Variants in SLC5A8 observed in about 807,000 individuals in gnomAD.
SLC5A8 encodes the protein solute carrier family 5 member 8.
Under a neutral mutation model 71.9 loss-of-function variants are expected in SLC5A8, and 55 were observed. The observed-to-expected ratio is 0.77, with a 90% CI of 0.62 to 0.96. The LOEUF is 0.96. SLC5A8 is among the 40% of genes least tolerant of loss of function. The pLI is 0.00. For synonymous variants in SLC5A8, 307 were observed against 276.1 expected (o/e 1.11, Z -1.11); for missense variants, 701 against 745.3 (o/e 0.94, Z 0.69).
chr12:101,183,452 T>C (rs1404440303), intron 8 of SLC5A8, among the ~76,000 whole-genome samples: 1 of 152,198 alleles, frequency 6.6e-6, no homozygotes, highest in Non-Finnish European at 1.5e-5. Flanking sequence ...AGAGAAAGGA[T>C]ATGTTCATGT....
At chr12:101,175,195 C>G (rs551635660) in intron 10 of SLC5A8, among the ~76,000 whole-genome samples, 51 of 151,744 alleles carry the variant, frequency 3.4e-4, no homozygotes, top group Non-Finnish European at 5.9e-4. Context: ...GGCACAATAG[C>G]AGTATAGAAG....
At position 101,155,755 on chromosome 12, in the gene SLC5A8, C is replaced by G. The variant is rs1184674679; in HGVS notation, c.*1524G>C. Reference sequence around the variant, plus strand: ...CCTCAAGCGATCTTCCTGCCTCAGCCTCCCAAATGTTCAGATTACAAGCAT... The same window carrying G: ...CCTCAAGCGATCTTCCTGCCTCAGCGTCCCAAATGTTCAGATTACAAGCAT... On this transcript the variant is annotated 3_prime_UTR_variant, in exon 15 of 15. Coordinates refer to ENST00000536262, the MANE Select transcript of SLC5A8 (RefSeq NM_145913.5). 3 of 150,296 alleles carry G rather than the reference C, an allele frequency of 2.0e-5. No individual in the cohort carries two copies. Among genetic ancestry groups the G allele is most frequent in the African/African-American group, 7.3e-5 (3 of 40,910 alleles). The allele number at this position is 150,296 out of a possible 1,614,324, so 9.3% of individuals were successfully genotyped here.
intron 12 of SLC5A8, among the ~76,000 whole-genome samples, chr12:101,162,322 G>A (rs973934305): frequency 1.3e-5 from 2 of 152,184 alleles, no homozygotes; most frequent in African/African-American, 4.8e-5. Flanking sequence ...CCCAGGCACT[G>A]CTCTTGTGAT....
Position 101,192,973 on chromosome 12 carries a change from T to C in SLC5A8, c.692+652A>G, listed in dbSNP as rs1239523128. On this transcript the variant is annotated intron_variant, in intron 5 of 14. Coordinates refer to ENST00000536262, the MANE Select transcript of SLC5A8 (RefSeq NM_145913.5). ...TCTCTTAAGAGGCTACCTTTTCTCT[T>C]TTTTTTTTTTTTTTTTGAGACAGAG... Among the ~76,000 whole-genome samples, 5 of 79,466 alleles carry C rather than the reference T, an allele frequency of 6.3e-5. 1 individual carries two copies. The highest frequency in any genetic ancestry group is 3.7e-4 in the South Asian group (1 of 2,708). The allele number at this position is 79,466 out of a possible 152,430, so 52.1% of individuals were successfully genotyped here. A position where few individuals can be genotyped will look rare whatever the true frequency, so the allele number is the denominator to read the frequency against.
At chr12:101,178,731 T>C (rs1340861575) in intron 10 of SLC5A8, among the ~76,000 whole-genome samples, 1 of 151,864 alleles carries the variant, frequency 6.6e-6, no homozygotes, top group Non-Finnish European at 1.5e-5. Context: ...AAGAAAATCT[T>C]CAAAAGCTGG....
intron 10 of SLC5A8, among the ~76,000 whole-genome samples, chr12:101,172,032 A>C (rs2051834810): frequency 6.6e-6 from 1 of 152,184 alleles, no homozygotes; most frequent in South Asian, 2.1e-4. Context: ...ACACAGAACT[A>C]AGCAATTAGG....
At chr12:101,183,321 A>T (rs764690470) in intron 8 of SLC5A8, among the ~76,000 whole-genome samples, 48 of 152,110 alleles carry the variant, frequency 3.2e-4, no homozygotes, top group Admixed American at 2.0e-3. Flanking sequence ...CTGGGATTAC[A>T]GGCGTGAGCC....
rs1455109968 is a variant in SLC5A8, at chr12:101,187,387, T to C, written c.962A>G (p.Gln321Arg). ...WTAKKVSAPD[Q>R]LMPYLVLDIL... ...TGTAAGAAAGACATGGTACTGAACCTGGTCTGGTGCAGACACTTTCTTGGC... is the reference window on the plus strand; with the variant it reads ...TGTAAGAAAGACATGGTACTGAACCCGGTCTGGTGCAGACACTTTCTTGGC... Residue 321 changes from glutamine to arginine, a missense_variant and splice_region_variant, in exon 7 of 15, where the codon CAG becomes CGG. By Grantham distance (43) the Gln-to-Arg change is conservative. Coordinates refer to ENST00000536262, the MANE Select transcript of SLC5A8 (RefSeq NM_145913.5). The C allele has an allele frequency of 6.2e-7, 1 of 1,613,008 alleles. No homozygotes were observed. Among genetic ancestry groups the C allele is most frequent in the Admixed American group, 1.7e-5 (1 of 59,882 alleles).
chr12:101,187,771 T>A (rs751727739), intron 6 of SLC5A8, among the ~76,000 whole-genome samples: 5 of 152,132 alleles, frequency 3.3e-5, no homozygotes, highest in Non-Finnish European at 5.9e-5. Flanking sequence ...TGGTCGGAGC[T>A]CCAGGGGCAT....
chr12:101,182,300 C>T (rs1868404317), intron 9 of SLC5A8, among the ~76,000 whole-genome samples: 1 of 152,124 alleles, frequency 6.6e-6, no homozygotes, highest in South Asian at 2.1e-4. Context: ...ATCTATTAAT[C>T]TAATTTAATC....
intron 5 of SLC5A8, among the ~76,000 whole-genome samples, chr12:101,192,365 G>A (rs1256106448): frequency 6.6e-6 from 1 of 151,970 alleles, no homozygotes; most frequent in African/African-American, 2.4e-5. Flanking sequence ...AAACTTTGGT[G>A]CTTATTTTCA....
rs150897103 is a variant in SLC5A8, at chr12:101,168,131, C to T, written c.1285G>A (p.Ala429Thr). ...MVGGPLMGLFALGILVPFANS... is the reference protein window; with the variant it reads ...MVGGPLMGLFTLGILVPFANS... ...GCAAAGGGAACCAAAATGCCCAAAG[C>T]GAACAGGCCCATAAGTGGTCCACCA... Residue 429 changes from alanine to threonine, a missense_variant, in exon 11 of 15, where the codon GCT becomes ACT. Physicochemically the swap from Ala to Thr is moderately conservative, Grantham distance 58. Transcript: ENST00000536262. 1.1e-4 allele frequency: 170 copies of T among 1,610,002 alleles called. No homozygotes were observed. The highest frequency in any genetic ancestry group is 1.6e-4 in the Middle Eastern group (1 of 6,082).
intron 12 of SLC5A8, among the ~76,000 whole-genome samples, chr12:101,165,607 A>G (rs2051761326): frequency 6.6e-6 from 1 of 152,154 alleles, no homozygotes; most frequent in Non-Finnish European, 1.5e-5. Context: ...ACGCCCCTGG[A>G]AGTCCCACTG....
intron 2 of SLC5A8, among the ~76,000 whole-genome samples, chr12:101,203,357 T>G (rs1869538628): frequency 6.6e-6 from 1 of 152,126 alleles, no homozygotes; most frequent in Non-Finnish European, 1.5e-5. Context: ...TTTTTTCCTT[T>G]TTTTTTTTGA....
chr12:101,167,075 T>C (rs1206431545), intron 11 of SLC5A8, among the ~76,000 whole-genome samples: 1 of 152,154 alleles, frequency 6.6e-6, no homozygotes, highest in African/African-American at 2.4e-5. Context: ...GTTAGCTTAG[T>C]CAGCTACAGC....
intron 13 of SLC5A8, among the ~76,000 whole-genome samples, chr12:101,159,441 A>G (rs1177204125): frequency 6.6e-6 from 1 of 152,176 alleles, no homozygotes; most frequent in Non-Finnish European, 1.5e-5. Flanking sequence ...TCTGCATAGT[A>G]AAAATCAGGG....
At chr12:101,162,212 A>G (rs2051730099) in intron 12 of SLC5A8, 135 bp from the exon 13 acceptor site, 2 of 612,076 alleles carry the variant, frequency 3.3e-6, no homozygotes, top group Admixed American at 2.8e-5. Context: ...TGCTGTCCTA[A>G]TTTTATCTTA....
chr12:101,195,349 T>A (rs1688627653), intron 3 of SLC5A8, among the ~76,000 whole-genome samples, 187 bp from the exon 4 acceptor site: 1 of 152,190 alleles, frequency 6.6e-6, no homozygotes, highest in South Asian at 2.1e-4. Context: ...AAAATTGTAT[T>A]TGATAATTTT....
chr12:101,190,217 T>C (rs925520053), intron 6 of SLC5A8, among the ~76,000 whole-genome samples: 25 of 152,234 alleles, frequency 1.6e-4, no homozygotes, highest in Non-Finnish European at 3.2e-4. Flanking sequence ...CCCCATGGGT[T>C]CTTATGCAAA....
Sources: allele counts gnomAD v4.1 joint callset (sites outside exome capture counted in the v4.1 genomes callset), GRCh38; gene constraint gnomAD v4.1.1; transcripts MANE v1.5; gene names NCBI Gene and HGNC (gene_info 2026-07-23, HGNC 2026-07-21).